The following ANKRD30A variants were observed in gnomAD, a reference collection of about 807,000 sequenced individuals.
ANKRD30A encodes ankyrin repeat domain 30A.
ANKRD30A carries 170 observed loss-of-function variants against 166.3 expected under a neutral mutation model. That is an observed-to-expected ratio of 1.02 (90% CI 0.90 to 1.16). ANKRD30A has a LOEUF of 1.16. Ranked by LOEUF, ANKRD30A falls within the 50% of genes most tolerant of loss-of-function variation. The pLI is 0.00. For synonymous variants in ANKRD30A, 564 were observed against 508.9 expected (o/e 1.11, Z -1.46); for missense variants, 1,630 against 1,518.0 (o/e 1.07, Z -1.23).
chr10:37,200,849 G>T (rs1181010441), intron 30 of ANKRD30A, among the ~76,000 whole-genome samples: 4 of 151,978 alleles, frequency 2.6e-5, no homozygotes, highest in Non-Finnish European at 5.9e-5. Context: ...CATGTTTAAT[G>T]CAGTATCTGT....
At chr10:37,204,545 G>C (rs1841862893) in intron 31 of ANKRD30A, among the ~76,000 whole-genome samples, 1 of 152,058 alleles carries the variant, frequency 6.6e-6, no homozygotes, top group African/African-American at 2.4e-5. Context: ...TACCATTCAG[G>C]ACAAAGGCAT....
At chr10:37,154,149 G>A (rs17606236) in intron 13 of ANKRD30A, among the ~76,000 whole-genome samples, 1 of 152,104 alleles carries the variant, frequency 6.6e-6, no homozygotes. Flanking sequence ...CTTTCTCACT[G>A]GTGGGAAGCC....
chr10:37,250,168 A>C, the ANKRD30A span, among the ~76,000 whole-genome samples: 1 of 152,186 alleles, frequency 6.6e-6, no homozygotes, highest in African/African-American at 2.4e-5. Flanking sequence ...AATTGTGTAC[A>C]TATTGCTTAT....
At chr10:37,213,596 A>G (rs1190844784) in intron 31 of ANKRD30A, among the ~76,000 whole-genome samples, 1 of 148,758 alleles carries the variant, frequency 6.7e-6, no homozygotes, top group Non-Finnish European at 1.5e-5. Context: ...TAAAAGTCAA[A>G]GTTATTTATT....
the ANKRD30A span, among the ~76,000 whole-genome samples, chr10:37,247,912 A>G: frequency 1.3e-5 from 2 of 151,542 alleles, no homozygotes. Context: ...AAAATAACTA[A>G]TGAATACTTA....
intron 15 of ANKRD30A, among the ~76,000 whole-genome samples, chr10:37,159,598 G>A (rs1193247288): frequency 1.3e-5 from 2 of 152,090 alleles, no homozygotes; most frequent in African/African-American, 2.4e-5. Flanking sequence ...TGTCTTATAC[G>A]CTGTGTGTAG....
chr10:37,264,513 A>G, the ANKRD30A span: 9 of 343,340 alleles, frequency 2.6e-5, no homozygotes, highest in Middle Eastern at 9.0e-4. Context: ...TGTCTGAGTG[A>G]CTGTTTTCCT....
At chr10:37,192,840 C>A (rs993168884) in intron 25 of ANKRD30A, among the ~76,000 whole-genome samples, 1 of 150,984 alleles carries the variant, frequency 6.6e-6, no homozygotes, top group Non-Finnish European at 1.5e-5. Flanking sequence ...ATGTTGAAAT[C>A]CTCACAGCAT....
rs1159546006 is a variant in ANKRD30A, at chr10:37,207,074, G to T, written c.2869+5749G>T. On this transcript the variant is annotated intron_variant, in intron 31 of 35. Transcript: ENST00000361713. ...ACATGAGGGGATCAAAAAACATTCA[G>T]ATGGATAAGTGAGAGGATGCAAAAA... Among the ~76,000 whole-genome samples, 4 of 152,078 alleles carry T rather than the reference G, an allele frequency of 2.6e-5. No individual in the cohort carries two copies. The East Asian group carries it at 7.7e-4, about 29-fold the overall frequency.
chr10:37,165,269 T>C, intron 18 of ANKRD30A, 114 bp downstream of exon 18: 2 of 1,035,888 alleles, frequency 1.9e-6, no homozygotes, highest in Non-Finnish European at 2.9e-6. Flanking sequence ...CAAATTATTT[T>C]TGATGTTTTT....
At chr10:37,226,481 G>C (rs575023861) in intron 34 of ANKRD30A, among the ~76,000 whole-genome samples, 1 of 151,784 alleles carries the variant, frequency 6.6e-6, no homozygotes, top group African/African-American at 2.4e-5. Context: ...AGATGCTATA[G>C]CATAACATTT....
At chr10:37,139,869 G>A (rs1588764746) in intron 6 of ANKRD30A, among the ~76,000 whole-genome samples, 2 of 152,142 alleles carry the variant, frequency 1.3e-5, no homozygotes, top group Non-Finnish European at 2.9e-5. Flanking sequence ...TGAGCAATAT[G>A]AGAGTTAGGG....
At chr10:37,206,607 T>C (rs1308111691) in intron 31 of ANKRD30A, among the ~76,000 whole-genome samples, 18 of 152,110 alleles carry the variant, frequency 1.2e-4, no homozygotes, top group Non-Finnish European at 4.4e-5. Flanking sequence ...CTGGCCAACA[T>C]GGTGAAACCC....
intron 31 of ANKRD30A, among the ~76,000 whole-genome samples, chr10:37,204,623 C>A (rs1440182355): frequency 6.6e-6 from 1 of 152,122 alleles, no homozygotes; most frequent in African/African-American, 2.4e-5. Flanking sequence ...CAAATGGGAT[C>A]TAATTAAACT....
the ANKRD30A span, chr10:37,248,152 T>A: frequency 1.6e-6 from 1 of 628,652 alleles, no homozygotes; most frequent in Admixed American, 1.8e-5. Context: ...ACTCTGGGAG[T>A]CTTCCAGAGG....
chr10:37,191,764 G>A (rs923244206), intron 25 of ANKRD30A, among the ~76,000 whole-genome samples: 1 of 151,934 alleles, frequency 6.6e-6, no homozygotes, highest in Non-Finnish European at 1.5e-5. Context: ...GGGAGGCAAA[G>A]GTGGGTGGAT....
the ANKRD30A span, among the ~76,000 whole-genome samples, chr10:37,249,534 C>T: frequency 6.6e-6 from 1 of 151,938 alleles, no homozygotes. Context: ...GTTATAATAA[C>T]ATTTTTCATA....
intron 7 of ANKRD30A, among the ~76,000 whole-genome samples, chr10:37,142,741 A>C (rs1273085834): frequency 1.3e-5 from 2 of 151,562 alleles, no homozygotes; most frequent in Non-Finnish European, 2.9e-5. Context: ...CGTGCCCACC[A>C]CCACACCTGG....
At chr10:37,260,938 T>C in the ANKRD30A span, among the ~76,000 whole-genome samples, 1 of 152,184 alleles carries the variant, frequency 6.6e-6, no homozygotes, top group Non-Finnish European at 1.5e-5. Context: ...CTACCAATTG[T>C]GTGCTATGCT....
Sources: allele counts gnomAD v4.1 joint callset (sites outside exome capture counted in the v4.1 genomes callset), GRCh38; gene constraint gnomAD v4.1.1; transcripts MANE v1.5; gene names NCBI Gene and HGNC (gene_info 2026-07-23, HGNC 2026-07-21).